PPFIA2: variants seen among roughly 807,000 people sequenced by gnomAD.
The protein encoded by PPFIA2 is liprin-alpha-2.
PPFIA2 carries 46 observed loss-of-function variants against 175.5 expected under a neutral mutation model. The ratio of observed to expected loss-of-function variants is 0.26; its 90% CI spans 0.21 to 0.34. PPFIA2 has a LOEUF of 0.34. PPFIA2 is among the 10% of genes least tolerant of loss of function. PPFIA2 has a pLI of 1.00. For synonymous variants in PPFIA2, 568 were observed against 511.4 expected (o/e 1.11, Z -1.49); for missense variants, 1,179 against 1,506.1 (o/e 0.78, Z 3.60).
chr12:81,478,678 A>G (rs2057794798), intron 4 of PPFIA2, among the ~76,000 whole-genome samples: 1 of 152,120 alleles, frequency 6.6e-6, no homozygotes, highest in Non-Finnish European at 1.5e-5. Flanking sequence ...TTATTTACCT[A>G]GTAGTCATTC....
intron 4 of PPFIA2, among the ~76,000 whole-genome samples, chr12:81,486,109 A>G (rs1230369738): frequency 2.0e-5 from 3 of 151,948 alleles, no homozygotes; most frequent in Non-Finnish European, 4.4e-5. Context: ...AATAGTAAAT[A>G]TAATTTCACT....
Position 81,344,658 on chromosome 12 carries a change from C to G in PPFIA2, c.2262+6G>C. On this transcript the variant is annotated splice_donor_region_variant and intron_variant, in intron 19 of 32. Transcript: ENST00000549396. Reference sequence around the variant, plus strand: ...TTCGTAATGATGTAAAAGTTATTTACTGTACCTTTCTCCGATGTTTCCTCA... The same window carrying G: ...TTCGTAATGATGTAAAAGTTATTTAGTGTACCTTTCTCCGATGTTTCCTCA... 1.3e-6 allele frequency: 2 copies of G among 1,550,650 alleles called. No individual in the cohort carries two copies. Among genetic ancestry groups the G allele is most frequent in the Non-Finnish European group, 1.8e-6 (2 of 1,140,960 alleles).
chr12:81,433,933 G>T (rs1052397991), intron 7 of PPFIA2, among the ~76,000 whole-genome samples: 12 of 152,082 alleles, frequency 7.9e-5, no homozygotes, highest in Non-Finnish European at 1.3e-4. Flanking sequence ...TGTTGGCAAA[G>T]AATTATAAAA....
At chr12:81,320,182 A>T (rs2053345311) in intron 22 of PPFIA2, among the ~76,000 whole-genome samples, 1 of 152,016 alleles carries the variant, frequency 6.6e-6, no homozygotes, top group South Asian at 2.1e-4. Flanking sequence ...GTACACTCTG[A>T]ACCTGCCAAA....
intron 21 of PPFIA2, among the ~76,000 whole-genome samples, chr12:81,330,219 A>G (rs2055824744): frequency 6.6e-6 from 1 of 152,206 alleles, no homozygotes; most frequent in Admixed American, 6.5e-5. Context: ...AGACCCTACG[A>G]AAGCCACAAC....
chr12:81,387,934 A>C (rs548591387), intron 8 of PPFIA2, among the ~76,000 whole-genome samples: 1 of 152,256 alleles, frequency 6.6e-6, no homozygotes, highest in African/African-American at 2.4e-5. Context: ...TTCAACCAGC[A>C]ACATTTCCAG....
intron 8 of PPFIA2, among the ~76,000 whole-genome samples, chr12:81,396,924 G>A (rs1270172281): frequency 6.6e-6 from 1 of 151,994 alleles, no homozygotes; most frequent in Admixed American, 6.6e-5. Flanking sequence ...AGTTGGATGG[G>A]AGGTGTGAGA....
intron 16 of PPFIA2, among the ~76,000 whole-genome samples, chr12:81,354,503 G>T (rs1435153841): frequency 1.3e-5 from 2 of 152,020 alleles, no homozygotes; most frequent in East Asian, 1.9e-4. Context: ...GCAGCAATTT[G>T]GTTTCGTTTT....
intron 4 of PPFIA2, among the ~76,000 whole-genome samples, chr12:81,552,664 G>T (rs532035399): frequency 9.2e-5 from 14 of 151,996 alleles, no homozygotes; most frequent in African/African-American, 3.4e-4. Flanking sequence ...CATGTGTGTA[G>T]CTTTCCAAAA....
intron 3 of PPFIA2, among the ~76,000 whole-genome samples, chr12:81,701,173 T>C (rs1440328098): frequency 2.0e-5 from 3 of 152,182 alleles, no homozygotes; most frequent in Non-Finnish European, 4.4e-5. Context: ...GCCATCATGG[T>C]GCACAATACA....
At chr12:81,677,260 A>T (rs1274089183) in intron 3 of PPFIA2, among the ~76,000 whole-genome samples, 3 of 151,942 alleles carry the variant, frequency 2.0e-5, no homozygotes, top group Admixed American at 6.6e-5. Flanking sequence ...TATTTATGAC[A>T]TATGATATTT....
chr12:81,302,781 T>C, intron 22 of PPFIA2: 1 of 403,480 alleles, frequency 2.5e-6, no homozygotes, highest in South Asian at 1.8e-5. Context: ...TTTTTAATTA[T>C]AAAATAATCG....
At chr12:81,578,525 G>A (rs207473168) in intron 4 of PPFIA2, among the ~76,000 whole-genome samples, 1 of 151,694 alleles carries the variant, frequency 6.6e-6, no homozygotes, top group Non-Finnish European at 1.5e-5. Flanking sequence ...AACTTTTAAT[G>A]AGTTTATTTT....
At chr12:81,298,849 G>C (rs1047736259) in intron 23 of PPFIA2, among the ~76,000 whole-genome samples, 39 of 152,142 alleles carry the variant, frequency 2.6e-4, no homozygotes, top group African/African-American at 8.7e-4. Flanking sequence ...CTGGTCCATA[G>C]GCTTTAGAGA....
chr12:81,324,514 T>G (rs2054334184), intron 22 of PPFIA2, among the ~76,000 whole-genome samples: 1 of 152,004 alleles, frequency 6.6e-6, no homozygotes, highest in Admixed American at 6.6e-5. Context: ...CATTTATATA[T>G]TTTTAGACTG....
At chr12:81,546,489 T>C (rs2153356336) in intron 4 of PPFIA2, 1 of 152,246 alleles carries the variant, frequency 6.6e-6, no homozygotes, top group South Asian at 2.1e-4. Flanking sequence ...TTAACATACA[T>C]GAATTTCCCC....
intron 22 of PPFIA2, among the ~76,000 whole-genome samples, chr12:81,315,738 A>G (rs1425308651): frequency 2.6e-5 from 4 of 151,688 alleles, no homozygotes; most frequent in Non-Finnish European, 5.9e-5. Context: ...ATATCAGAGC[A>G]TACGAGGGTG....
At chr12:81,587,783 G>A (rs1025494960) in intron 4 of PPFIA2, among the ~76,000 whole-genome samples, 4 of 151,896 alleles carry the variant, frequency 2.6e-5, no homozygotes, top group Non-Finnish European at 5.9e-5. Context: ...CTTTTTGATA[G>A]TTTTCCTTGG....
intron 4 of PPFIA2, among the ~76,000 whole-genome samples, chr12:81,504,219 A>G (rs550111167): frequency 6.6e-6 from 1 of 152,280 alleles, no homozygotes; most frequent in South Asian, 2.1e-4. Context: ...AATCTATAGA[A>G]TGGGATAAAA....
Sources: allele counts gnomAD v4.1 joint callset (sites outside exome capture counted in the v4.1 genomes callset), GRCh38; gene constraint gnomAD v4.1.1; transcripts MANE v1.5; gene names NCBI Gene and HGNC (gene_info 2026-07-23, HGNC 2026-07-21).